Variants in NAA25 observed in about 807,000 individuals in gnomAD.
NAA25 encodes N-alpha-acetyltransferase 25, NatB auxiliary subunit.
In NAA25, 30 loss-of-function variants were observed where a neutral mutation model predicts 132.5. That is an observed-to-expected ratio of 0.23 (90% CI 0.17 to 0.31). NAA25 has a LOEUF of 0.31. Among genes scored for constraint, NAA25 ranks in the 10% least tolerant of loss-of-function variants. The probability of loss-of-function intolerance (pLI) is 1.00; values close to 1 mark genes in which losing one functional copy is unlikely to be tolerated. For missense variants in NAA25, 771 were observed against 1,150.4 expected (o/e 0.67, Z 4.77); for synonymous variants, 359 against 401.9 (o/e 0.89, Z 1.28).
intron 2 of NAA25, among the ~76,000 whole-genome samples, chr12:112,092,537 G>C (rs1167643899): frequency 6.6e-6 from 1 of 151,918 alleles, no homozygotes; most frequent in Non-Finnish European, 1.5e-5. Flanking sequence ...TAAAGCAGGA[G>C]AATCACTTGA....
At chr12:112,036,694 C>G (rs955572825) in intron 22 of NAA25, among the ~76,000 whole-genome samples, 3 of 151,814 alleles carry the variant, frequency 2.0e-5, no homozygotes, top group Non-Finnish European at 4.4e-5. Flanking sequence ...ACTAAAAATA[C>G]AAAAACTAAC....
chr12:112,040,102 A>G (rs1433242407), intron 21 of NAA25: 2 of 159,216 alleles, frequency 1.3e-5, no homozygotes, highest in Non-Finnish European at 2.7e-5. Flanking sequence ...CAGTTGCTGG[A>G]CACTATCACA....
Position 112,056,130 on chromosome 12 carries a change from T to C in NAA25, c.1448-1562A>G, listed in dbSNP as rs549704883. Among the ~76,000 whole-genome samples the C allele has an allele frequency of 1.4e-4, 21 of 152,254 alleles. No homozygotes were observed. The South Asian group carries it at 1.9e-3, about 14-fold the overall frequency. On this transcript the variant is annotated intron_variant, in intron 13 of 23. Transcript: ENST00000261745. ...AAGCGGATCACCTCAGGTCAGGAATTCGAGACCAGCCTGGCCAACATGGTA... is the reference window on the plus strand; with the variant it reads ...AAGCGGATCACCTCAGGTCAGGAATCCGAGACCAGCCTGGCCAACATGGTA...
chr12:112,106,955 CAAAAAAAAAAAAAAA>C (rs11286456), intron 1 of NAA25, among the ~76,000 whole-genome samples: 1 of 25,828 alleles, frequency 3.9e-5, no homozygotes, highest in African/African-American at 1.3e-4. Flanking sequence ...AGACTGTCTC[CAAAAAAAAAAAAAAA>C]AAAAAAAAAA....
intron 2 of NAA25, among the ~76,000 whole-genome samples, chr12:112,092,523 A>C (rs1008111002): frequency 1.3e-5 from 2 of 151,918 alleles, no homozygotes; most frequent in African/African-American, 2.4e-5. Flanking sequence ...ACTACGCAGG[A>C]GGCTAAAGCA....
intron 11 of NAA25, among the ~76,000 whole-genome samples, chr12:112,065,074 C>T (rs1392313734): frequency 6.7e-6 from 1 of 149,426 alleles, no homozygotes; most frequent in Admixed American, 6.7e-5. Context: ...CTAGAATCAG[C>T]CAGGCATGGT....
At chr12:112,078,887 A>G (rs958988476) in intron 5 of NAA25, 146 bp from the exon 6 acceptor site, 17 of 627,832 alleles carry the variant, frequency 2.7e-5, no homozygotes, top group Non-Finnish European at 4.3e-5. Flanking sequence ...GAGGTACATT[A>G]CGGAGCAGTT....
chr12:112,028,566 T>G lies in NAA25; in HGVS notation c.*965A>C, dbSNP rs533871823. ...AATCCATAATATTACATTCCTTCCTTCCCAAACCCCCCACACTTAAAACAT... is the reference window on the plus strand; with the variant it reads ...AATCCATAATATTACATTCCTTCCTGCCCAAACCCCCCACACTTAAAACAT... On this transcript the variant is annotated 3_prime_UTR_variant, in exon 24 of 24. Coordinates refer to ENST00000261745, the MANE Select transcript of NAA25 (RefSeq NM_024953.4). 2 of 152,152 alleles carry G rather than the reference T, an allele frequency of 1.3e-5. No individual in the cohort carries two copies. The highest frequency in any genetic ancestry group is 3.9e-4 in the East Asian group (2 of 5,186). 9.4% of individuals were successfully genotyped at this position (152,152 alleles called of 1,614,324 possible). A position where few individuals can be genotyped will look rare whatever the true frequency, so the allele number is the denominator to read the frequency against.
At chr12:112,102,381 G>GAA (rs35823628) in intron 1 of NAA25, among the ~76,000 whole-genome samples, 4 of 139,248 alleles carry the variant, frequency 2.9e-5, no homozygotes, top group Non-Finnish European at 4.7e-5. Flanking sequence ...TCCAAAAACA[G>GAA]AAAAAAAAAA....
rs1452230752 is a variant in NAA25 at position 112,049,063 on chromosome 12, A to G, written c.1729-620T>C. 6.6e-6 allele frequency among the ~76,000 whole-genome samples: 1 copy of G among 152,206 alleles called. No individual in the cohort carries two copies. The highest frequency in any genetic ancestry group is 1.5e-5 in the Non-Finnish European group (1 of 68,032). On this transcript the variant is annotated intron_variant, in intron 15 of 23. Coordinates refer to ENST00000261745, the MANE Select transcript of NAA25 (RefSeq NM_024953.4). This position sits in a 1 kb window ranked among gnomAD's most constrained non-coding sequence, Gnocchi z 4.7. ...TCTGAGGACAAAGACTTCAAGAACC[A>G]AGTTTCTTGTCCATCTACATTACGT...
chr12:112,079,452 G>A (rs1381649719), intron 5 of NAA25, among the ~76,000 whole-genome samples: 1 of 152,008 alleles, frequency 6.6e-6, no homozygotes, highest in East Asian at 1.9e-4. Context: ...TTAGCTAGGT[G>A]TGTGTGGTGG....
chr12:112,095,619 C>CAAAA (rs56359298), intron 1 of NAA25, among the ~76,000 whole-genome samples: 1 of 79,040 alleles, frequency 1.3e-5, no homozygotes, highest in Non-Finnish European at 2.7e-5. Context: ...AACAAACAAA[C>CAAAA]AAAAAAAAAA....
At position 112,047,771 on chromosome 12, in the gene NAA25, T is replaced by C. The variant is rs1247787122; in HGVS notation, c.1900A>G (p.Ser634Gly). The C allele has an allele frequency of 6.2e-7, 1 of 1,610,384 alleles. No homozygotes were observed. Among genetic ancestry groups the C allele is most frequent in the Non-Finnish European group, 8.5e-7 (1 of 1,178,716 alleles). Reference protein sequence around the residue: ...EANISTSLAESIKSMNLRPEE... With the variant: ...EANISTSLAEGIKSMNLRPEE... ...GGCCTAAGGTTCATTGACTTTATAC[T>C]TTCTGCTAAACTGGTTGATCTGTGA... is the stretch of plus-strand genomic sequence containing the variant. Residue 634 changes from serine to glycine, a missense_variant, in exon 17 of 24, where the codon AGT (serine) becomes GGT (glycine). Ser to Gly is a moderately conservative substitution (Grantham distance 56). Around this residue, in one of 3 missense-constraint regions of NAA25, gnomAD observed 324 missense variants for 400.0 expected, o/e 0.81. Coordinates refer to ENST00000261745, the MANE Select transcript of NAA25 (RefSeq NM_024953.4).
In NAA25 at chr12:112,068,877, T is replaced by C. The variant is rs1266380447; in HGVS notation, c.1149+3A>G. 6.4e-7 allele frequency: 1 copy of C among 1,560,274 alleles called. No homozygotes were observed. The highest frequency in any genetic ancestry group is 8.8e-7 in the Non-Finnish European group (1 of 1,137,786). On this transcript the variant is annotated splice_donor_region_variant and intron_variant, in intron 11 of 23. Transcript: ENST00000261745. Reference sequence around the variant, plus strand: ...ACAAACTTCTAAACTGTATAGTACTTACTTTTGTACACTGTGTAGCAGGTA... The same window carrying C: ...ACAAACTTCTAAACTGTATAGTACTCACTTTTGTACACTGTGTAGCAGGTA...
At chr12:112,056,838 T>C (rs1308849432) in intron 13 of NAA25, among the ~76,000 whole-genome samples, 1 of 152,230 alleles carries the variant, frequency 6.6e-6, no homozygotes, top group Non-Finnish European at 1.5e-5. Context: ...TTTACCTTTT[T>C]TCTCTCTGCC....
chr12:112,100,482 G>C (rs912690645), intron 1 of NAA25, among the ~76,000 whole-genome samples: 2 of 150,954 alleles, frequency 1.3e-5, no homozygotes, highest in Non-Finnish European at 3.0e-5. Flanking sequence ...TTAGTTTAAA[G>C]GTTTATTTCC....
intron 13 of NAA25, among the ~76,000 whole-genome samples, chr12:112,059,503 T>C (rs1303266254): frequency 6.6e-6 from 1 of 152,210 alleles, no homozygotes; most frequent in African/African-American, 2.4e-5. Context: ...TGAATCATCC[T>C]TCTCTTCCTC....
Position 112,040,586 on chromosome 12 carries a change from C to CA in NAA25, c.2441-9dup. On this transcript the variant is annotated splice_polypyrimidine_tract_variant and intron_variant, in intron 20 of 23. Coordinates refer to ENST00000261745, the MANE Select transcript of NAA25 (RefSeq NM_024953.4). ...TACATTTACTGAAGACATCTGAAAA[C>CA]AAAAAACATTTTAGTTTTATTCAGC... 1 of 1,502,572 alleles carries CA rather than the reference C, an allele frequency of 6.7e-7. No homozygotes were observed. The highest frequency in any genetic ancestry group is 9.1e-7 in the Non-Finnish European group (1 of 1,095,388). The allele number at this position is 1,502,572 out of a possible 1,614,324, so 93.1% of individuals were successfully genotyped here. A position where few individuals can be genotyped will look rare whatever the true frequency, so the allele number is the denominator to read the frequency against.
chr12:112,067,199 C>T (rs952811814), intron 11 of NAA25, among the ~76,000 whole-genome samples: 61 of 150,930 alleles, frequency 4.0e-4, no homozygotes, highest in African/African-American at 1.5e-3. Context: ...AGCAAGACTC[C>T]GTCTCAAAAA....
Sources: gnomAD v4.1 joint callset for allele counts (sites outside exome capture counted in the v4.1 genomes callset) on GRCh38, gnomAD v4.1.1 for gene constraint, gnomAD v4.1.1 regional missense constraint, Gnocchi (gnomAD v3.1) non-coding constraint, MANE v1.5 for transcripts, NCBI Gene and HGNC (gene_info 2026-07-23, HGNC 2026-07-21) for gene names.